Variants in TMEM267 observed in about 807,000 individuals in gnomAD.
TMEM267 encodes the protein transmembrane protein C5orf28.
TMEM267 carries 20 observed loss-of-function variants against 19.3 expected under a neutral mutation model. That is an observed-to-expected ratio of 1.04 (90% confidence interval 0.73 to 1.51). The LOEUF is 1.51. TMEM267 is among the 40% of genes most tolerant of loss of function. The probability of loss-of-function intolerance (pLI) is 0.00; values close to 1 mark genes in which losing one functional copy is unlikely to be tolerated. For missense variants in TMEM267, 242 were observed against 261.9 expected (o/e 0.92, Z 0.52); for synonymous variants, 88 against 90.3 (o/e 0.97, Z 0.15).
intron 1 of TMEM267, among the ~76,000 whole-genome samples, chr5:43,478,632 G>A (rs1480706373): frequency 6.6e-6 from 1 of 152,096 alleles, no homozygotes; most frequent in East Asian, 1.9e-4. Context: ...GAACATTTAT[G>A]ACAGAGAAAG....
chr5:43,475,746 G>A (rs1195190457), intron 1 of TMEM267, among the ~76,000 whole-genome samples: 1 of 152,110 alleles, frequency 6.6e-6, no homozygotes, highest in African/African-American at 2.4e-5. Flanking sequence ...AATGTGGTTA[G>A]TTCAAGGTAT....
intron 1 of TMEM267, chr5:43,479,953 A>G (rs1012173929): frequency 2.4e-6 from 1 of 411,300 alleles, no homozygotes; most frequent in African/African-American, 2.1e-5. Flanking sequence ...CAAATTATGA[A>G]TCATTGTCTC....
Position 43,472,102 on chromosome 5 carries a change from T to A in TMEM267, c.-75+11720A>T, listed in dbSNP as rs988003843. On this transcript the variant is annotated intron_variant, in intron 1 of 2. Coordinates refer to ENST00000397080, the MANE Select transcript of TMEM267 (RefSeq NM_022483.5). ...TCAAACTGCTCTATAGGAAAAAAAATACAATAATCTAATAAAAAATGGGCA... is the reference window on the plus strand; with the variant it reads ...TCAAACTGCTCTATAGGAAAAAAAAAACAATAATCTAATAAAAAATGGGCA... Among the ~76,000 whole-genome samples, 4 of 151,816 alleles carry A rather than the reference T, an allele frequency of 2.6e-5. No individual in the cohort carries two copies. The South Asian group carries it at 8.3e-4, about 32-fold the overall frequency.
intron 1 of TMEM267, among the ~76,000 whole-genome samples, chr5:43,461,639 AGT>A (rs1239876581): frequency 6.6e-6 from 1 of 152,096 alleles, no homozygotes; most frequent in Non-Finnish European, 1.5e-5. Context: ...GGGCATTAGC[AGT>A]GTTCTGGCAG....
At chr5:43,467,676 C>T (rs1478607309) in intron 1 of TMEM267, among the ~76,000 whole-genome samples, 1 of 152,092 alleles carries the variant, frequency 6.6e-6, no homozygotes, top group Non-Finnish European at 1.5e-5. Flanking sequence ...ACAGATCTTC[C>T]AGACAGAAAA....
intron 1 of TMEM267, among the ~76,000 whole-genome samples, chr5:43,474,088 T>G (rs575480908): frequency 2.0e-5 from 3 of 152,292 alleles, no homozygotes; most frequent in Non-Finnish European, 4.4e-5. Context: ...CTGGATCCCT[T>G]CCTTACACCT....
intron 1 of TMEM267, among the ~76,000 whole-genome samples, chr5:43,480,219 A>G (rs552775047): frequency 1.3e-5 from 2 of 152,314 alleles, no homozygotes; most frequent in African/African-American, 4.8e-5. Flanking sequence ...AAGGCCATTC[A>G]GGTATGAGAA....
rs1579777497 is a variant in TMEM267 at position 43,446,233 on chromosome 5, T to C, written c.637A>G (p.Ile213Val). ...QMMSSKHGVRIDV is the reference protein window; with the variant it reads ...QMMSSKHGVRVDV Reference sequence around the variant, plus strand: ...GACTGCCGTGTACCTCAGACATCAATACGAACTCCATGTTTTGAAGACATC... The same window carrying C: ...GACTGCCGTGTACCTCAGACATCAACACGAACTCCATGTTTTGAAGACATC... Residue 213 changes from isoleucine to valine, a missense_variant, in exon 3 of 3, where the codon ATT becomes GTT. Transcript: ENST00000397080. 1.9e-6 allele frequency: 3 copies of C among 1,608,362 alleles called. No homozygotes were observed. The highest frequency in any genetic ancestry group is 1.3e-5 in the African/African-American group (1 of 74,936).
At chr5:43,469,105 T>G (rs967397549) in intron 1 of TMEM267, among the ~76,000 whole-genome samples, 3 of 152,048 alleles carry the variant, frequency 2.0e-5, no homozygotes, top group Non-Finnish European at 4.4e-5. Context: ...TATAAATGCC[T>G]ACATCAAAAA....
intron 1 of TMEM267, among the ~76,000 whole-genome samples, chr5:43,466,114 C>G (rs1743654888): frequency 1.3e-5 from 2 of 151,980 alleles, no homozygotes; most frequent in Admixed American, 1.3e-4. Context: ...GAGAACTTCT[C>G]AAACTTAGAT....
intron 1 of TMEM267, among the ~76,000 whole-genome samples, chr5:43,469,599 AAGAACAT>A (rs1561195025): frequency 6.6e-6 from 1 of 152,230 alleles, no homozygotes; most frequent in Non-Finnish European, 1.5e-5. Context: ...CTGGGTATGG[AAGAACAT>A]ACCTCAACAT....
intron 1 of TMEM267, among the ~76,000 whole-genome samples, chr5:43,467,616 C>G (rs975706759): frequency 1.3e-5 from 2 of 152,134 alleles, no homozygotes; most frequent in East Asian, 3.9e-4. Flanking sequence ...GAGAGATAGG[C>G]CCCAATATAA....
intron 1 of TMEM267, among the ~76,000 whole-genome samples, chr5:43,463,055 G>T (rs1048360243): frequency 1.3e-5 from 2 of 151,942 alleles, no homozygotes; most frequent in African/African-American, 4.8e-5. Context: ...GACTAATAAA[G>T]AAGAAAAGAG....
At chr5:43,463,198 A>G (rs1353563401) in intron 1 of TMEM267, among the ~76,000 whole-genome samples, 1 of 152,276 alleles carries the variant, frequency 6.6e-6, no homozygotes, top group Non-Finnish European at 1.5e-5. Context: ...GAAGAAATGG[A>G]TAAATTCCTC....
chr5:43,451,414 A>G (rs1214339024), intron 2 of TMEM267, among the ~76,000 whole-genome samples: 2 of 152,280 alleles, frequency 1.3e-5, no homozygotes, highest in East Asian at 3.9e-4. Flanking sequence ...GAATAAAACA[A>G]ATAACCCCAT....
intron 2 of TMEM267, among the ~76,000 whole-genome samples, chr5:43,448,794 A>T (rs1017125278): frequency 7.2e-6 from 1 of 139,466 alleles, no homozygotes; most frequent in African/African-American, 3.2e-5. Context: ...ACCCCCCCCC[A>T]CAAAAAAAAC....
intron 1 of TMEM267, among the ~76,000 whole-genome samples, chr5:43,469,977 T>G (rs1725922959): frequency 2.0e-5 from 3 of 152,176 alleles, no homozygotes; most frequent in African/African-American, 7.2e-5. Flanking sequence ...TTGCCCTATT[T>G]ATGTAAAAAT....
rs1579829153 is a variant in TMEM267 at position 43,475,270 on chromosome 5, C to G, written c.-75+8552G>C. Among the ~76,000 whole-genome samples, 3 of 151,896 alleles carry G rather than the reference C, an allele frequency of 2.0e-5. No homozygotes were observed. In the South Asian group the frequency reaches 6.2e-4, roughly 32 times the overall value. ...CATCATTCTCAGCAAACTAACAGAACAGAAAACCAAACACCGCATGTTCTC... is the reference window on the plus strand; with the variant it reads ...CATCATTCTCAGCAAACTAACAGAAGAGAAAACCAAACACCGCATGTTCTC... On this transcript the variant is annotated intron_variant, in intron 1 of 2. Transcript: ENST00000397080.
intron 1 of TMEM267, chr5:43,480,030 T>C (rs1744667088): frequency 3.4e-6 from 1 of 290,964 alleles, no homozygotes; most frequent in South Asian, 2.8e-5. Flanking sequence ...ATTTAATGCA[T>C]ATAACTTTAA....
Sources: gnomAD v4.1 joint callset for allele counts (sites outside exome capture counted in the v4.1 genomes callset) on GRCh38, gnomAD v4.1.1 for gene constraint, MANE v1.5 for transcripts, NCBI Gene and HGNC (gene_info 2026-07-23, HGNC 2026-07-21) for gene names.